Variants in NECTIN1 observed in about 807,000 individuals in gnomAD.
The protein encoded by NECTIN1 is nectin cell adhesion molecule 1.
NECTIN1 carries 23 observed loss-of-function variants against 48.0 expected under a neutral mutation model. The ratio of observed to expected loss-of-function variants is 0.48; its 90% CI spans 0.34 to 0.68. The LOEUF (loss-of-function observed/expected upper bound fraction) is 0.68, where lower values mean the gene tolerates loss of function less well. NECTIN1 is among the 30% of genes least tolerant of loss of function. The pLI, the probability that NECTIN1 is intolerant of heterozygous loss-of-function variation, is 0.01. For missense variants in NECTIN1, 591 were observed against 709.9 expected, an observed-to-expected ratio of 0.83 and a Z score of 1.90; for synonymous variants, 270 against 288.9, an observed-to-expected ratio of 0.93 and a Z score of 0.66.
intron 5 of NECTIN1, chr11:119,642,590 CTCTAT>C (rs1864342979): frequency 1.3e-5 from 2 of 153,682 alleles, no homozygotes; most frequent in Admixed American, 6.5e-5. Context: ...TGGCAGCTGT[CTCTAT>C]AAGGGCCCTT....
rs776409528 is a variant in NECTIN1 at position 119,677,815 on chromosome 11, C to T, written c.473G>A (p.Arg158Gln). Residue 158 changes from arginine (R) to glutamine (Q), a missense_variant, in exon 3 of 6, where the codon CGA becomes CAA. Transcript: ENST00000264025. This position sits in a 1 kb window ranked among gnomAD's most constrained non-coding sequence, Gnocchi z 5.4. ...NWIEGTQAVL[R>Q]AKKGQDDKVL... ...CTTGTCATCCTGCCCCTTCTTGGCTCGAAGCACTGCCTGGGTACCCTCTAT... is the reference window on the plus strand; with the variant it reads ...CTTGTCATCCTGCCCCTTCTTGGCTTGAAGCACTGCCTGGGTACCCTCTAT... 1.7e-5 allele frequency: 27 copies of T among 1,614,086 alleles called. No individual in the cohort carries two copies. Among genetic ancestry groups the T allele is most frequent in the South Asian group, 6.6e-5 (6 of 91,064 alleles).
Position 119,664,608 on chromosome 11 carries a change from C to A in NECTIN1, c.*139G>T. The A allele has an allele frequency of 2.1e-6, 3 of 1,443,328 alleles. No homozygotes were observed. In the South Asian group the frequency reaches 4.5e-5, roughly 22 times the overall value. The allele number at this position is 1,443,328 out of a possible 1,614,324, so 89.4% of individuals were successfully genotyped here. ...GTGGCTGCCCTGGGCTCCCCTGGCC[C>A]CCCAGGAGTTCGGGGCTGGCTTTGG... On this transcript the variant is annotated 3_prime_UTR_variant, in exon 6 of 6. Coordinates refer to ENST00000264025, the MANE Select transcript of NECTIN1 (RefSeq NM_002855.5).
At chr11:119,704,983 AG>A (rs1865523518) in intron 1 of NECTIN1, among the ~76,000 whole-genome samples, 1 of 152,240 alleles carries the variant, frequency 6.6e-6, no homozygotes, top group South Asian at 2.1e-4. Flanking sequence ...AATGTAAACC[AG>A]GGTGATAGTC....
At chr11:119,674,431 G>A (rs1565386182) in intron 5 of NECTIN1, 5 of 1,570,596 alleles carry the variant, frequency 3.2e-6, no homozygotes, top group East Asian at 4.5e-5. Flanking sequence ...AGACTGATCT[G>A]TGCTAGGTGC....
chr11:119,661,731 GCCCGGGCA>G lies in NECTIN1; in HGVS notation c.*3008_*3015del, dbSNP rs1445859066. 2 of 985,676 alleles carry G rather than the reference GCCCGGGCA, an allele frequency of 2.0e-6. No homozygotes were observed. Among genetic ancestry groups the G allele is most frequent in the African/African-American group, 3.5e-5 (2 of 57,244 alleles). 61.1% of individuals were successfully genotyped at this position (985,676 alleles called of 1,614,324 possible). A position where few individuals can be genotyped will look rare whatever the true frequency, so the allele number is the denominator to read the frequency against. Reference sequence around the variant, plus strand: ...AGGGCCCCTATAAGGCTCTCTTGCAGCCCGGGCACTGGGAAATTCGTTTCTCCTTAATG... The same window carrying G: ...AGGGCCCCTATAAGGCTCTCTTGCAGCTGGGAAATTCGTTTCTCCTTAATG... On this transcript the variant is annotated 3_prime_UTR_variant, in exon 6 of 6. Coordinates refer to ENST00000264025, the MANE Select transcript of NECTIN1 (RefSeq NM_002855.5).
At chr11:119,696,423 C>T (rs992381423) in intron 1 of NECTIN1, among the ~76,000 whole-genome samples, 6 of 222 alleles carry the variant, frequency 0.027, no homozygotes, top group African/African-American at 0.058. Flanking sequence ...AGTTCAACCC[C>T]GCCCGCCCCC....
chr11:119,653,576 C>T (rs943868545), intron 5 of NECTIN1, among the ~76,000 whole-genome samples: 1 of 152,192 alleles, frequency 6.6e-6, no homozygotes, highest in African/African-American at 2.4e-5. Flanking sequence ...GTGGTGCGCA[C>T]CACGTAGCCA....
rs1865601488 is a variant in NECTIN1, at chr11:119,709,569, T to G, written c.79+18906A>C. ...GAAGGGAAGGGCTAGCTCCCTAGTC[T>G]GTAAGGGCAGAAGGTGCTCTTGAAT... On this transcript the variant is annotated intron_variant, in intron 1 of 5. Transcript: ENST00000264025. This position sits in a 1 kb window ranked among gnomAD's most constrained non-coding sequence, Gnocchi z 4.1. Among the ~76,000 whole-genome samples, 2 of 151,674 alleles carry G rather than the reference T, an allele frequency of 1.3e-5. No homozygotes were observed. The highest frequency in any genetic ancestry group is 4.9e-5 in the African/African-American group (2 of 41,220).
chr11:119,716,143 T>C (rs912254756), intron 1 of NECTIN1, among the ~76,000 whole-genome samples: 2 of 151,956 alleles, frequency 1.3e-5, no homozygotes, highest in African/African-American at 4.8e-5. Context: ...ATCATCTGGG[T>C]TGGGGGGGCG....
intron 1 of NECTIN1, among the ~76,000 whole-genome samples, chr11:119,722,212 C>G (rs767362884): frequency 6.6e-6 from 1 of 152,256 alleles, no homozygotes; most frequent in Non-Finnish European, 1.5e-5. Context: ...TAATACAACA[C>G]TAATGCCATT....
exon 7 of NECTIN1, chr11:119,638,744 G>C: frequency 1.2e-6 from 2 of 1,613,890 alleles, no homozygotes; most frequent in Non-Finnish European, 1.7e-6. Context: ...GATATCCTCA[G>C]GCACAAGGGA....
chr11:119,717,833 G>A (rs1321770709), intron 1 of NECTIN1, among the ~76,000 whole-genome samples: 3 of 152,226 alleles, frequency 2.0e-5, no homozygotes, highest in East Asian at 1.9e-4. Flanking sequence ...GCAATGCTCC[G>A]GCTTGGATGG....
rs2135540788 is a variant in NECTIN1 at position 119,662,975 on chromosome 11, A to G, written c.*1772T>C. 1 of 980,816 alleles carries G rather than the reference A, an allele frequency of 1.0e-6. No individual in the cohort carries two copies. Among genetic ancestry groups the G allele is most frequent in the Non-Finnish European group, 1.2e-6 (1 of 828,364 alleles). 60.8% of individuals were successfully genotyped at this position (980,816 alleles called of 1,614,324 possible). On this transcript the variant is annotated 3_prime_UTR_variant, in exon 6 of 6. Coordinates refer to ENST00000264025, the MANE Select transcript of NECTIN1 (RefSeq NM_002855.5). The surrounding 1 kb of genome is among the most constrained non-coding windows in gnomAD (Gnocchi z 5.3). ...CCCACCTGCTGGGCCCAGGGTTGCC[A>G]GGGCAGAAATGGAGCTGGCAGGGGG... is the stretch of plus-strand genomic sequence containing the variant.
intron 1 of NECTIN1, among the ~76,000 whole-genome samples, chr11:119,721,174 T>C (rs1032518288): frequency 6.6e-6 from 1 of 152,344 alleles, no homozygotes; most frequent in East Asian, 1.9e-4. Context: ...CATGGAATGA[T>C]GATTTGCTGA....
intron 1 of NECTIN1, among the ~76,000 whole-genome samples, chr11:119,706,968 C>T (rs1865558632): frequency 6.6e-6 from 1 of 152,120 alleles, no homozygotes; most frequent in African/African-American, 2.4e-5. Flanking sequence ...CAAATCTGCC[C>T]CTGTCCCTCA....
At chr11:119,648,076 A>C (rs1864421970) in intron 5 of NECTIN1, among the ~76,000 whole-genome samples, 1 of 148,082 alleles carries the variant, frequency 6.8e-6, no homozygotes, top group South Asian at 2.2e-4. Flanking sequence ...AAAAAAAAAA[A>C]AAAAAAAAAA....
intron 5 of NECTIN1, among the ~76,000 whole-genome samples, chr11:119,669,213 A>G (rs541580135): frequency 2.6e-5 from 4 of 152,304 alleles, no homozygotes; most frequent in African/African-American, 9.6e-5. Context: ...GGAGTTCAAG[A>G]CCAGCCTGAC....
chr11:119,704,817 C>T (rs2135573886), intron 1 of NECTIN1, among the ~76,000 whole-genome samples: 1 of 152,340 alleles, frequency 6.6e-6, no homozygotes, highest in African/African-American at 2.4e-5. Context: ...TCAGCCATGA[C>T]TGCGCACGCC....
chr11:119,649,195 A>G (rs1248049959), intron 5 of NECTIN1, among the ~76,000 whole-genome samples: 1 of 152,164 alleles, frequency 6.6e-6, no homozygotes, highest in East Asian at 1.9e-4. Context: ...CCTGGCCAAC[A>G]TGGTGAAACC....
Sources: allele counts gnomAD v4.1 joint callset (sites outside exome capture counted in the v4.1 genomes callset), GRCh38; gene constraint gnomAD v4.1.1; non-coding constraint Gnocchi (gnomAD v3.1); transcripts MANE v1.5; gene names NCBI Gene and HGNC (gene_info 2026-07-23, HGNC 2026-07-21).